The following LCT variants were observed in gnomAD, a reference collection of about 807,000 sequenced individuals.
The protein encoded by LCT is lactase.
LCT carries 90 observed loss-of-function variants against 173.0 expected under a neutral mutation model. The observed-to-expected ratio is 0.52, with a 90% CI of 0.44 to 0.62. The LOEUF (loss-of-function observed/expected upper bound fraction) is 0.62. Among genes scored for constraint, LCT ranks in the 20% least tolerant of loss-of-function variants. The pLI is 0.00. For missense variants in LCT, 1,864 were observed against 2,431.4 expected (o/e 0.77, Z 4.91); for synonymous variants, 853 against 957.6 (o/e 0.89, Z 2.02).
chr2:135,836,024 A>ATATATATATATACAT (rs1679354551), intron 1 of LCT, among the ~76,000 whole-genome samples: 1 of 106,182 alleles, frequency 9.4e-6, no homozygotes, highest in African/African-American at 3.5e-5. Context: ...ATGTATACAT[A>ATATATATATATACAT]TTTTTTTTTT....
chr2:135,832,106 CT>C (rs938247936), intron 2 of LCT, among the ~76,000 whole-genome samples: 12 of 151,892 alleles, frequency 7.9e-5, no homozygotes, highest in African/African-American at 2.4e-4. Context: ...ATCCCAGCTA[CT>C]TGGGAGGCTG....
intron 3 of LCT, among the ~76,000 whole-genome samples, chr2:135,828,833 T>G (rs746142815): frequency 6.6e-6 from 1 of 152,178 alleles, no homozygotes; most frequent in Non-Finnish European, 1.5e-5. Flanking sequence ...AGCTGGGATC[T>G]GATTTAGTAG....
chr2:135,821,448 T>C (rs925634519), intron 5 of LCT, among the ~76,000 whole-genome samples: 1 of 152,160 alleles, frequency 6.6e-6, no homozygotes, highest in Non-Finnish European at 1.5e-5. Context: ...GTCAGATCTA[T>C]CTTTAACCTG....
intron 6 of LCT, among the ~76,000 whole-genome samples, chr2:135,815,244 C>A (rs191754793): frequency 1.3e-5 from 2 of 152,190 alleles, no homozygotes; most frequent in African/African-American, 2.4e-5. Context: ...TAACATTGAA[C>A]TAATAAATAA....
Position 135,833,173 on chromosome 2 carries a change from C to A in LCT, c.658G>T (p.Val220Phe). 6.2e-7 allele frequency: 1 copy of A among 1,613,908 alleles called. No homozygotes were observed. The highest frequency in any genetic ancestry group is 8.5e-7 in the Non-Finnish European group (1 of 1,179,946). The change falls in exon 2 of 17, where the codon GTC becomes TTC. Residue 220 changes from valine (V) to phenylalanine (F), a missense_variant. Physicochemically the swap from Val to Phe is conservative, Grantham distance 50. This residue lies in a region of LCT where 412 missense variants were observed against 462.0 expected (regional missense o/e 0.89). Transcript: ENST00000264162. ...TCCGGGATATCTTCAGCTCGCAGGA[C>A]AACAGAGAGTTTTCCGCCTGAAACC... The part of the protein sequence containing the change: ...YAFQGGKLSV[V>F]LRAEDIPELL...
At chr2:135,818,612 G>A (rs2077801221) in intron 5 of LCT, among the ~76,000 whole-genome samples, 1 of 152,224 alleles carries the variant, frequency 6.6e-6, no homozygotes, top group Non-Finnish European at 1.5e-5. Context: ...GGCCGAGGCA[G>A]GTGGATCACG....
intron 1 of LCT, among the ~76,000 whole-genome samples, chr2:135,834,288 C>T (rs2077965641): frequency 1.3e-5 from 2 of 151,778 alleles, no homozygotes; most frequent in Admixed American, 1.3e-4. Flanking sequence ...CAGGTTCAAG[C>T]GATTCTCCTG....
At position 135,809,358 on chromosome 2, in the gene LCT, C is replaced by T. The variant is rs779277211; in HGVS notation, c.2989G>A (p.Val997Ile). 5 of 1,614,208 alleles carry T rather than the reference C, an allele frequency of 3.1e-6. No individual in the cohort carries two copies. The highest frequency in any genetic ancestry group is 3.4e-6 in the Non-Finnish European group (4 of 1,180,052). The change falls in exon 8 of 17, where the codon GTT becomes ATT. Residue 997 changes from valine (V) to isoleucine (I), a missense_variant. By Grantham distance (29) the Val-to-Ile change is conservative (BLOSUM62 3). This residue lies in a region of LCT where 755 missense variants were observed against 926.3 expected (regional missense o/e 0.82). Coordinates refer to ENST00000264162, the MANE Select transcript of LCT (RefSeq NM_002299.4). The surrounding 1 kb of genome is among the most constrained non-coding windows in gnomAD (Gnocchi z 5.5). ...TTGATCAGCCTGTTGTAATAATCAA[C>T]CCCATGACTGTTGATAGAGCTGTTT... ...GRNSSINSHG[V>I]DYYNRLINGL...
At chr2:135,793,419 G>C (rs963826037) in intron 14 of LCT, among the ~76,000 whole-genome samples, 1 of 152,220 alleles carries the variant, frequency 6.6e-6, no homozygotes, top group Non-Finnish European at 1.5e-5. Flanking sequence ...TTAGGGAAAG[G>C]GGGTGAGCAC....
In LCT at chr2:135,809,766, C is replaced by T. The variant is rs1251325719; in HGVS notation, c.2581G>A (p.Val861Ile). 6.2e-7 allele frequency: 1 copy of T among 1,614,174 alleles called. No homozygotes were observed. Among genetic ancestry groups the T allele is most frequent in the Admixed American group, 1.7e-5 (1 of 60,016 alleles). ...GCTCTGACTTTGGAGGGGAGGTTTA[C>T]TGTATTAGGTGGTAGCAGTCTTTTT... ...GAKRLLPPNT[V>I]NLPSKVRAFT... is the part of the protein sequence containing the mutation. The change falls in exon 8 of 17, where the codon GTA becomes ATA. Residue 861 changes from valine (V) to isoleucine (I), a missense_variant. Coordinates refer to ENST00000264162, the MANE Select transcript of LCT (RefSeq NM_002299.4). This position sits in a 1 kb window ranked among gnomAD's most constrained non-coding sequence, Gnocchi z 5.5.
Position 135,819,700 on chromosome 2 carries a change from G to A in LCT, c.987-1639C>T, listed in dbSNP as rs148955219. Among the ~76,000 whole-genome samples the A allele has an allele frequency of 7.9e-3, 1,200 of 152,294 alleles. 12 individuals carry two copies. The highest frequency in any genetic ancestry group is 0.027 in the Middle Eastern group (8 of 294). ...GGAAAGGGAAATGATCCTTTCCTTC[G>A]TAGATGATCCCAAAACATATGCGAC... On this transcript the variant is annotated intron_variant, in intron 5 of 16. Transcript: ENST00000264162.
chr2:135,813,512 A>G (rs1322430360), intron 6 of LCT, among the ~76,000 whole-genome samples: 2 of 152,238 alleles, frequency 1.3e-5, no homozygotes, highest in African/African-American at 4.8e-5. Context: ...GGCACCTACT[A>G]CTTAATGAAT....
intron 14 of LCT, among the ~76,000 whole-genome samples, chr2:135,791,954 G>C (rs1287953070): frequency 6.6e-6 from 1 of 152,324 alleles, no homozygotes; most frequent in East Asian, 1.9e-4. Context: ...ATTGTTAACT[G>C]TTGCTCCAAG....
intron 1 of LCT, among the ~76,000 whole-genome samples, chr2:135,836,124 T>C (rs55634455): frequency 0.16 from 24,379 of 150,524 alleles, 2,449 homozygotes; most frequent in South Asian, 0.31. Flanking sequence ...GTTCAAGCAA[T>C]TCTCCTGCCT....
intron 11 of LCT, 45 bp downstream of exon 11, chr2:135,803,885 G>A: frequency 6.5e-7 from 1 of 1,548,080 alleles, no homozygotes; most frequent in Non-Finnish European, 8.9e-7. Flanking sequence ...GATGTGCTAA[G>A]AATGCCATGA....
chr2:135,836,301 G>A (rs887706875), intron 1 of LCT, among the ~76,000 whole-genome samples: 4 of 152,066 alleles, frequency 2.6e-5, no homozygotes, highest in Non-Finnish European at 1.5e-5. Flanking sequence ...TTACAGGCGT[G>A]AGCCTCAAAG....
Position 135,823,543 on chromosome 2 carries a change from G to A in LCT, c.907+358C>T, listed in dbSNP as rs757955839. Among the ~76,000 whole-genome samples the A allele has an allele frequency of 3.9e-5, 6 of 152,274 alleles. No individual in the cohort carries two copies. The East Asian group carries it at 5.8e-4, about 15-fold the overall frequency. On this transcript the variant is annotated intron_variant, in intron 4 of 16. Coordinates refer to ENST00000264162, the MANE Select transcript of LCT (RefSeq NM_002299.4). The stretch of plus-strand genomic sequence containing the variant: ...TGGAGAGGGCTGGCTGGAGAGAGAC[G>A]GGCAGAGGAAAGCCCTGCCAAGAGG...
chr2:135,793,971 C>CAA (rs34100426), intron 14 of LCT, among the ~76,000 whole-genome samples: 30 of 124,214 alleles, frequency 2.4e-4, no homozygotes, highest in African/African-American at 8.2e-4. Flanking sequence ...TGCTAAAATA[C>CAA]AAAAAAAAAA....
chr2:135,817,099 G>A (rs2077786537), intron 6 of LCT, among the ~76,000 whole-genome samples: 1 of 152,036 alleles, frequency 6.6e-6, no homozygotes, highest in Non-Finnish European at 1.5e-5. Flanking sequence ...TCGAACTCCT[G>A]GACTCAAGAA....
Sources: allele counts gnomAD v4.1 joint callset (sites outside exome capture counted in the v4.1 genomes callset), GRCh38; gene constraint gnomAD v4.1.1; regional missense constraint gnomAD v4.1.1; non-coding constraint Gnocchi (gnomAD v3.1); transcripts MANE v1.5; gene names NCBI Gene and HGNC (gene_info 2026-07-23, HGNC 2026-07-21).